Variants in MAD2L1 observed in about 807,000 individuals in gnomAD.
MAD2L1 encodes the protein mitotic spindle assembly checkpoint protein MAD2A.
In MAD2L1, 10 loss-of-function variants were observed where a neutral mutation model predicts 25.9. That is an observed-to-expected ratio of 0.39 (90% CI 0.24 to 0.66). The LOEUF (loss-of-function observed/expected upper bound fraction) is 0.66, where lower values mean the gene tolerates loss of function less well. MAD2L1 is among the 30% of genes least tolerant of loss of function. MAD2L1 has a pLI of 0.49. For synonymous variants in MAD2L1, 81 were observed against 91.8 expected (o/e 0.88, Z 0.67); for missense variants, 180 against 246.4 (o/e 0.73, Z 1.80).
At chr4:120,060,625 T>C (rs563681669) in intron 4 of MAD2L1, among the ~76,000 whole-genome samples, 24 of 152,268 alleles carry the variant, frequency 1.6e-4, no homozygotes, top group African/African-American at 5.5e-4. Context: ...AATTTTATCA[T>C]AGGTATGTAT....
intron 1 of MAD2L1, 34 bp from the exon 2 acceptor site, chr4:120,065,852 T>C (rs753687826): frequency 6.2e-7 from 1 of 1,606,788 alleles, no homozygotes; most frequent in South Asian, 1.1e-5. Flanking sequence ...GAAAATTCAT[T>C]ATCCCTGCAT....
At position 120,057,028 on chromosome 4, in the gene MAD2L1, A is replaced by C. The variant is rs1037485161; in HGVS notation, c.*3090T>G. 4 of 152,240 alleles carry C rather than the reference A, an allele frequency of 2.6e-5. No homozygotes were observed. The highest frequency in any genetic ancestry group is 9.6e-5 in the African/African-American group (4 of 41,456). 9.4% of individuals were successfully genotyped at this position (152,240 alleles called of 1,614,324 possible). The stretch of plus-strand genomic sequence containing the variant: ...AGGGGTTCAAGTATTTGTGACCAAA[A>C]GAGCAAACTGTGATCTGTTACAGGA... On this transcript the variant is annotated 3_prime_UTR_variant, in exon 5 of 5. Coordinates refer to ENST00000296509, the MANE Select transcript of MAD2L1 (RefSeq NM_002358.4).
At position 120,066,672 on chromosome 4, in the gene MAD2L1, G is replaced by A; in HGVS notation, c.63C>T (p.Ala21=). Residue 21 remains alanine, a synonymous_variant, in exon 1 of 5, where the codon GCC becomes GCT. Transcript: ENST00000296509. The part of the protein sequence containing the change: ...ITLRGSAEIV[A]EFFSFGINSI... ...TGCGCGAGAACTTACAGAAGAACTC[G>A]GCCACGATTTCGGCGCTCCCGCGCA... The A allele has an allele frequency of 6.2e-7, 1 of 1,603,472 alleles. No individual in the cohort carries two copies. Among genetic ancestry groups the A allele is most frequent in the South Asian group, 1.1e-5 (1 of 89,810 alleles).
In MAD2L1 at chr4:120,060,198, C is replaced by T. The variant is rs1200708351; in HGVS notation, c.538G>A (p.Glu180Lys). ...GTAGTAAATGAACGAAGGCGGACTT[C>T]CTCAGAATTGGTAATAAACTGTGGT... Reference protein sequence around the residue: ...SGPQFITNSEEVRLRSFTTTI... With the variant: ...SGPQFITNSEKVRLRSFTTTI... Residue 180 changes from glutamate to lysine, a missense_variant, in exon 5 of 5, where the codon GAA (glutamate) becomes AAA (lysine). By Grantham distance (56) the Glu-to-Lys change is moderately conservative (BLOSUM62 1). Coordinates refer to ENST00000296509, the MANE Select transcript of MAD2L1 (RefSeq NM_002358.4). The T allele has an allele frequency of 1.2e-6, 2 of 1,612,578 alleles. No homozygotes were observed. The highest frequency in any genetic ancestry group is 2.7e-5 in the African/African-American group (2 of 74,872).
At chr4:120,065,173 C>CA (rs888116342) in intron 2 of MAD2L1, among the ~76,000 whole-genome samples, 1 of 152,044 alleles carries the variant, frequency 6.6e-6, no homozygotes, top group Non-Finnish European at 1.5e-5. Context: ...AACAAACAAA[C>CA]AAAAAAACTG....
chr4:120,063,978 T>C (rs1366023830), intron 2 of MAD2L1, among the ~76,000 whole-genome samples: 1 of 151,990 alleles, frequency 6.6e-6, no homozygotes, highest in Non-Finnish European at 1.5e-5. Flanking sequence ...GGTGCCAGAG[T>C]GAGACTCCAA....
rs1320997558 is a variant in MAD2L1, at chr4:120,056,705, C to T, written c.*3413G>A. 3 of 152,152 alleles carry T rather than the reference C, an allele frequency of 2.0e-5. No individual in the cohort carries two copies. The highest frequency in any genetic ancestry group is 4.4e-5 in the Non-Finnish European group (3 of 68,016). 9.4% of individuals were successfully genotyped at this position (152,152 alleles called of 1,614,324 possible). A position where few individuals can be genotyped will look rare whatever the true frequency, so the allele number is the denominator to read the frequency against. ...AAAAATGATTAAAAATAGGCATGGG[C>T]TCTTTATCCTATTGTGAGTCTCATA... is the stretch of plus-strand genomic sequence containing the variant. On this transcript the variant is annotated 3_prime_UTR_variant, in exon 5 of 5. Coordinates refer to ENST00000296509, the MANE Select transcript of MAD2L1 (RefSeq NM_002358.4).
intron 3 of MAD2L1, 112 bp from the exon 4 acceptor site, chr4:120,061,089 G>T (rs1266334201): frequency 6.4e-6 from 4 of 621,330 alleles, no homozygotes; most frequent in Non-Finnish European, 1.1e-5. Flanking sequence ...AAATAAGCAG[G>T]GCTTATTTGA....
At chr4:120,063,943 G>A in intron 2 of MAD2L1, among the ~76,000 whole-genome samples, 1 of 152,132 alleles carries the variant, frequency 6.6e-6, no homozygotes, top group Non-Finnish European at 1.5e-5. Flanking sequence ...AGTGAGCGGA[G>A]ATCACGCCAC....
At position 120,055,726 on chromosome 4, in the gene MAD2L1, C is replaced by T. The variant is rs941578406; in HGVS notation, c.*4392G>A. 6.6e-6 allele frequency: 1 copy of T among 152,084 alleles called. No homozygotes were observed. The highest frequency in any genetic ancestry group is 1.9e-4 in the East Asian group (1 of 5,184). The allele number at this position is 152,084 out of a possible 1,614,324, so 9.4% of individuals were successfully genotyped here. ...AATTATTTACAAGTTAAGCCGCAAA[C>T]AATTCACCAAAAACTGAGTAATTAA... On this transcript the variant is annotated 3_prime_UTR_variant, in exon 5 of 5. Transcript: ENST00000296509.
intron 1 of MAD2L1, 52 bp downstream of exon 1, chr4:120,066,610 G>A: frequency 1.3e-6 from 2 of 1,518,782 alleles, no homozygotes; most frequent in Non-Finnish European, 1.8e-6. Flanking sequence ...TGGGCCTACT[G>A]AGCCGTCACG....
Position 120,059,650 on chromosome 4 carries a change from A to G in MAD2L1, c.*468T>C, listed in dbSNP as rs1281002864. ...TGAAATGAAGGTCAAAAGGAGCTAT[A>G]CAGCAATATTTCATTGTTTATAGAT... On this transcript the variant is annotated 3_prime_UTR_variant, in exon 5 of 5. Transcript: ENST00000296509. The G allele has an allele frequency of 6.5e-6, 1 of 152,738 alleles. No homozygotes were observed. The allele number at this position is 152,738 out of a possible 1,614,324, so 9.5% of individuals were successfully genotyped here.
chr4:120,059,969 G>C lies in MAD2L1; in HGVS notation c.*149C>G, dbSNP rs1460338960. 1.8e-6 allele frequency: 1 copy of C among 568,688 alleles called. No individual in the cohort carries two copies. Among genetic ancestry groups the C allele is most frequent in the Admixed American group, 3.3e-5 (1 of 30,498 alleles). The allele number at this position is 568,688 out of a possible 1,614,324, so 35.2% of individuals were successfully genotyped here. ...CAAATAGGTACCAAAAAAATAAAAGGAACAATTACACACAGTTCAGTAAGT... is the reference window on the plus strand; with the variant it reads ...CAAATAGGTACCAAAAAAATAAAAGCAACAATTACACACAGTTCAGTAAGT... On this transcript the variant is annotated 3_prime_UTR_variant, in exon 5 of 5. Coordinates refer to ENST00000296509, the MANE Select transcript of MAD2L1 (RefSeq NM_002358.4).
intron 2 of MAD2L1, among the ~76,000 whole-genome samples, chr4:120,064,318 T>C (rs1438083586): frequency 6.6e-6 from 1 of 152,188 alleles, no homozygotes; most frequent in Non-Finnish European, 1.5e-5. Flanking sequence ...TCAGTGTCTT[T>C]CCTGTGTACA....
chr4:120,062,161 G>C, intron 2 of MAD2L1, 66 bp from the exon 3 acceptor site: 1 of 1,488,638 alleles, frequency 6.7e-7, no homozygotes, highest in Non-Finnish European at 9.1e-7. Flanking sequence ...TCTCTTCTCG[G>C]GTCCCACTCC....
chr4:120,057,761 G>C lies in MAD2L1; in HGVS notation c.*2357C>G, dbSNP rs1726134659. On this transcript the variant is annotated 3_prime_UTR_variant, in exon 5 of 5. Transcript: ENST00000296509. ...GCCTCAAGGTCTAGAAAGAGGATGG[G>C]ACAGTCCACTTGGAGCTACAGGGCA... 6.6e-6 allele frequency: 1 copy of C among 152,238 alleles called. No individual in the cohort carries two copies. The highest frequency in any genetic ancestry group is 1.5e-5 in the Non-Finnish European group (1 of 68,060). The allele number at this position is 152,238 out of a possible 1,614,324, so 9.4% of individuals were successfully genotyped here.
chr4:120,062,799 C>T (rs1972014), intron 2 of MAD2L1, among the ~76,000 whole-genome samples: 113,489 of 152,166 alleles, frequency 0.75, 42,501 homozygotes, highest in East Asian at 0.83. Context: ...TCATTCTAGC[C>T]GTGATACGGA....
chr4:120,056,930 A>G lies in MAD2L1; in HGVS notation c.*3188T>C, dbSNP rs1200724211. The G allele has an allele frequency of 6.6e-6, 1 of 152,182 alleles. No homozygotes were observed. The highest frequency in any genetic ancestry group is 1.5e-5 in the Non-Finnish European group (1 of 68,024). 9.4% of individuals were successfully genotyped at this position (152,182 alleles called of 1,614,324 possible). On this transcript the variant is annotated 3_prime_UTR_variant, in exon 5 of 5. Transcript: ENST00000296509. ...GGAGAGACATTCTGTTTGAGATACT[A>G]TGGATGGAGGCAACAAACGATGTTT...
rs1374749535 is a variant in MAD2L1, at chr4:120,062,242, A to G, written c.221-147T>C. The stretch of plus-strand genomic sequence containing the variant: ...ATGTGCAAGAAAATTTGCACCATCA[A>G]TAATCTAACTTCTGTTTTCAAATTC... On this transcript the variant is annotated intron_variant, in intron 2 of 4. Transcript: ENST00000296509. 4.7e-6 allele frequency: 3 copies of G among 641,562 alleles called. No individual in the cohort carries two copies. The African/African-American group carries it at 5.5e-5, about 12-fold the overall frequency. The allele number at this position is 641,562 out of a possible 1,614,324, so 39.7% of individuals were successfully genotyped here.
Sources: gnomAD v4.1 joint callset for allele counts (sites outside exome capture counted in the v4.1 genomes callset) on GRCh38, gnomAD v4.1.1 for gene constraint, MANE v1.5 for transcripts, NCBI Gene and HGNC (gene_info 2026-07-23, HGNC 2026-07-21) for gene names.